Variants in SNX24 observed in about 807,000 individuals in gnomAD.
SNX24 encodes the protein sorting nexin 24.
In SNX24, 22 loss-of-function variants were observed where a neutral mutation model predicts 28.7. That is an observed-to-expected ratio of 0.77 (90% confidence interval 0.55 to 1.10). The LOEUF is 1.10. SNX24 is among the 50% of genes least tolerant of loss of function. The pLI, the probability that SNX24 is intolerant of heterozygous loss-of-function variation, is 0.00. For missense variants in SNX24, 221 were observed against 201.1 expected, an observed-to-expected ratio of 1.10 and a Z score of -0.60; for synonymous variants, 69 against 71.5, an observed-to-expected ratio of 0.96 and a Z score of 0.18.
intron 1 of SNX24, among the ~76,000 whole-genome samples, chr5:122,865,160 G>A (rs1209769404): frequency 6.6e-6 from 1 of 152,204 alleles, no homozygotes; most frequent in East Asian, 1.9e-4. Context: ...TGAAATGTTT[G>A]ACCAAATATC....
At chr5:122,967,786 G>A (rs949425985) in intron 3 of SNX24, among the ~76,000 whole-genome samples, 1 of 152,106 alleles carries the variant, frequency 6.6e-6, no homozygotes, top group Non-Finnish European at 1.5e-5. Flanking sequence ...CTCACAAAAG[G>A]CACACATGGC....
intron 1 of SNX24, among the ~76,000 whole-genome samples, chr5:122,908,713 G>A (rs955790248): frequency 1.3e-5 from 2 of 152,182 alleles, no homozygotes; most frequent in African/African-American, 4.8e-5. Flanking sequence ...TAGCCTTAAA[G>A]ACATTTATTA....
At chr5:123,022,644 T>C (rs1762778507) in intron 5 of SNX24, 1 of 152,348 alleles carries the variant, frequency 6.6e-6, no homozygotes, top group Non-Finnish European at 1.5e-5. Flanking sequence ...TGCTCCCCAG[T>C]GGCCACCATA....
At chr5:122,852,543 A>T (rs925786812) in intron 1 of SNX24, among the ~76,000 whole-genome samples, 1 of 152,014 alleles carries the variant, frequency 6.6e-6, no homozygotes, top group East Asian at 1.9e-4. Flanking sequence ...GAATTTCACC[A>T]TGTTGCCCAG....
chr5:122,850,030 A>G (rs1230864381), intron 1 of SNX24, among the ~76,000 whole-genome samples: 3 of 152,318 alleles, frequency 2.0e-5, no homozygotes, highest in South Asian at 2.1e-4. Context: ...CTTGAGAGCT[A>G]TAAGGGAGTG....
At chr5:122,890,818 A>C (rs184690348) in intron 1 of SNX24, among the ~76,000 whole-genome samples, 4 of 152,290 alleles carry the variant, frequency 2.6e-5, no homozygotes, top group East Asian at 3.9e-4. Flanking sequence ...CTTGACAATG[A>C]AGTACCCAAT....
At chr5:122,848,076 T>C (rs547442682) in intron 1 of SNX24, among the ~76,000 whole-genome samples, 2 of 152,192 alleles carry the variant, frequency 1.3e-5, no homozygotes, top group South Asian at 4.1e-4. Flanking sequence ...GTAAAAAATA[T>C]CTTTTTACTT....
chr5:122,864,620 G>A (rs1001211687), intron 1 of SNX24, among the ~76,000 whole-genome samples: 3 of 152,212 alleles, frequency 2.0e-5, no homozygotes, highest in Non-Finnish European at 4.4e-5. Context: ...CGAAGTCATA[G>A]GGAGTCAAAG....
chr5:122,964,593 T>A (rs995826807), intron 3 of SNX24, among the ~76,000 whole-genome samples: 2 of 152,188 alleles, frequency 1.3e-5, no homozygotes, highest in African/African-American at 2.4e-5. Context: ...ATGCATTTAC[T>A]ATGTATTACA....
At position 123,009,188 on chromosome 5, in the gene SNX24, A is replaced by G; in HGVS notation, c.*1439A>G. ...TGTTATTAGCTATTTGGAGTTAAAT[A>G]AAAACAGAACAAGGAAACATTTGAG... On this transcript the variant is annotated 3_prime_UTR_variant, in exon 7 of 7. Coordinates refer to ENST00000261369, the MANE Select transcript of SNX24 (RefSeq NM_014035.4). 1 of 984,896 alleles carries G rather than the reference A, an allele frequency of 1.0e-6. No homozygotes were observed. The highest frequency in any genetic ancestry group is 1.2e-6 in the Non-Finnish European group (1 of 829,124). 61.0% of individuals were successfully genotyped at this position (984,896 alleles called of 1,614,324 possible).
At chr5:122,867,524 G>A (rs574803342) in intron 1 of SNX24, among the ~76,000 whole-genome samples, 3 of 151,136 alleles carry the variant, frequency 2.0e-5, no homozygotes, top group South Asian at 4.2e-4. Flanking sequence ...CTGGCAGATT[G>A]GGTGCTCTGC....
At chr5:122,850,424 A>G (rs1200916517) in intron 1 of SNX24, among the ~76,000 whole-genome samples, 2 of 152,238 alleles carry the variant, frequency 1.3e-5, no homozygotes, top group East Asian at 3.8e-4. Context: ...TTAGAATTTC[A>G]GCATGAGAAT....
intron 3 of SNX24, among the ~76,000 whole-genome samples, chr5:122,978,960 T>C (rs913929411): frequency 1.3e-5 from 2 of 152,242 alleles, no homozygotes; most frequent in Non-Finnish European, 2.9e-5. Flanking sequence ...ATCAGTAACA[T>C]TCAAGCCTGT....
intron 1 of SNX24, among the ~76,000 whole-genome samples, chr5:122,865,404 C>T (rs914349234): frequency 6.6e-6 from 1 of 152,226 alleles, no homozygotes; most frequent in Non-Finnish European, 1.5e-5. Flanking sequence ...GATCTTGGCT[C>T]ACTGCAATCT....
In SNX24 at chr5:122,913,630, C is replaced by T. The variant is rs192259979; in HGVS notation, c.61-23104C>T. Among the ~76,000 whole-genome samples the T allele has an allele frequency of 7.0e-4, 106 of 151,964 alleles. 2 individuals carry two copies. The highest frequency in any genetic ancestry group is 2.5e-3 in the African/African-American group (103 of 41,440). ...GGGTCTCCTCACTTCTCAGACGGGG[C>T]GGCTGCCAGGCAGAGGGTCTCCTTA... On this transcript the variant is annotated intron_variant, in intron 1 of 6. Transcript: ENST00000261369.
At chr5:123,026,117 G>T (rs1165381578) in intron 5 of SNX24, 2 of 681,138 alleles carry the variant, frequency 2.9e-6, no homozygotes, top group Non-Finnish European at 4.7e-6. Context: ...AGACATGAAG[G>T]AGGGAATAAA....
chr5:123,006,447 C>G (rs1762423387), intron 6 of SNX24, among the ~76,000 whole-genome samples: 2 of 152,192 alleles, frequency 1.3e-5, no homozygotes, highest in Admixed American at 1.3e-4. Flanking sequence ...CACCATTGCC[C>G]TCTCGAACTA....
chr5:122,866,593 T>C (rs558365244), intron 1 of SNX24, among the ~76,000 whole-genome samples: 8 of 152,206 alleles, frequency 5.3e-5, no homozygotes, highest in Non-Finnish European at 1.5e-5. Flanking sequence ...CCTGCCTGAA[T>C]TGGGTTGCTG....
At chr5:122,894,308 A>G (rs1581715896) in intron 1 of SNX24, among the ~76,000 whole-genome samples, 2 of 152,194 alleles carry the variant, frequency 1.3e-5, no homozygotes, top group South Asian at 2.1e-4. Context: ...GCATGCACAC[A>G]CATACACACA....
Sources: allele counts gnomAD v4.1 joint callset (sites outside exome capture counted in the v4.1 genomes callset), GRCh38; gene constraint gnomAD v4.1.1; transcripts MANE v1.5; gene names NCBI Gene and HGNC (gene_info 2026-07-23, HGNC 2026-07-21).